Variants in DISP1 observed in about 807,000 individuals in gnomAD.
DISP1 encodes protein dispatched homolog 1.
Under a neutral mutation model 37.3 loss-of-function variants are expected in DISP1, and 30 were observed. That is an observed-to-expected ratio of 0.80 (90% CI 0.60 to 1.09). DISP1 has a LOEUF of 1.09. Ranked by LOEUF, DISP1 falls within the 50% of genes least tolerant of loss-of-function variation. DISP1 has a pLI of 0.00. For synonymous variants in DISP1, 634 were observed against 690.2 expected, an observed-to-expected ratio of 0.92 and a Z score of 1.28; for missense variants, 1,598 against 1,879.5, an observed-to-expected ratio of 0.85 and a Z score of 2.77.
At chr1:222,898,466 G>T (rs1472910322) in intron 1 of DISP1, among the ~76,000 whole-genome samples, 1 of 150,662 alleles carries the variant, frequency 6.6e-6, no homozygotes, top group Non-Finnish European at 1.5e-5. Flanking sequence ...TTTTTGAAGT[G>T]TTCCTTCATT....
intron 1 of DISP1, among the ~76,000 whole-genome samples, chr1:222,870,026 G>T (rs1022363464): frequency 4.8e-4 from 73 of 151,670 alleles, no homozygotes; most frequent in Non-Finnish European, 1.0e-4. Flanking sequence ...ACCTATGAAT[G>T]AGAACATGCG....
chr1:222,953,428 A>G (rs1675372507), intron 3 of DISP1, among the ~76,000 whole-genome samples: 1 of 152,124 alleles, frequency 6.6e-6, no homozygotes, highest in Non-Finnish European at 1.5e-5. Context: ...TTTCATTTTT[A>G]TTTATAAATG....
At chr1:222,945,191 T>C (rs1674684778) in intron 3 of DISP1, among the ~76,000 whole-genome samples, 1 of 152,150 alleles carries the variant, frequency 6.6e-6, no homozygotes, top group Non-Finnish European at 1.5e-5. Flanking sequence ...AGGAGAGTCC[T>C]TCACAGCATG....
intron 3 of DISP1, among the ~76,000 whole-genome samples, chr1:222,960,014 C>T (rs1409291513): frequency 6.6e-6 from 1 of 152,094 alleles, no homozygotes; most frequent in Non-Finnish European, 1.5e-5. Context: ...GACTTAGACT[C>T]CCACACAATA....
At position 222,893,129 on chromosome 1, in the gene DISP1, G is replaced by A. The variant is rs1258969148; in HGVS notation, c.-158-35301G>A. On this transcript the variant is annotated intron_variant, in intron 1 of 8. Coordinates refer to ENST00000675850, the MANE Select transcript of DISP1 (RefSeq NM_001377229.1). This position sits in a 1 kb window ranked among gnomAD's most constrained non-coding sequence, Gnocchi z 4.3. The stretch of plus-strand genomic sequence containing the variant: ...ATCATTTTTATGTTACGAAAATATC[G>A]ATCTTATCACAATACCACAATATAT... Among the ~76,000 whole-genome samples, 2 of 151,924 alleles carry A rather than the reference G, an allele frequency of 1.3e-5. No individual in the cohort carries two copies. Among genetic ancestry groups the A allele is most frequent in the Admixed American group, 6.6e-5 (1 of 15,240 alleles).
intron 1 of DISP1, among the ~76,000 whole-genome samples, chr1:222,901,591 G>A (rs1374000592): frequency 2.6e-5 from 4 of 152,078 alleles, no homozygotes; most frequent in Admixed American, 6.6e-5. Flanking sequence ...GCAGTGGCGC[G>A]ATCTCTGCTC....
chr1:222,931,109 C>G (rs1346560038), intron 2 of DISP1, among the ~76,000 whole-genome samples: 1 of 151,964 alleles, frequency 6.6e-6, no homozygotes, highest in Non-Finnish European at 1.5e-5. Flanking sequence ...TTAGATAATT[C>G]TAAGTGTGGT....
At chr1:222,848,446 T>A (rs1668042566) in intron 1 of DISP1, among the ~76,000 whole-genome samples, 1 of 151,910 alleles carries the variant, frequency 6.6e-6, no homozygotes, top group African/African-American at 2.4e-5. Context: ...AGTGGCTTTT[T>A]AAAAAAAATA....
At chr1:222,977,681 C>T (rs1477423352) in intron 3 of DISP1, among the ~76,000 whole-genome samples, 1 of 151,628 alleles carries the variant, frequency 6.6e-6, no homozygotes, top group East Asian at 1.9e-4. Context: ...GCTATCCCTC[C>T]CCTCTCCCCC....
chr1:222,875,243 G>A (rs1185640431), intron 1 of DISP1, among the ~76,000 whole-genome samples: 1 of 151,898 alleles, frequency 6.6e-6, no homozygotes, highest in African/African-American at 2.4e-5. Context: ...AACCCAGGAG[G>A]CGGAGGTTGC....
At chr1:222,909,676 A>G (rs17163555) in intron 1 of DISP1, among the ~76,000 whole-genome samples, 99,536 of 152,038 alleles carry the variant, frequency 0.65, 32,749 homozygotes, top group South Asian at 0.75. Flanking sequence ...AAACTAAAAC[A>G]ATATACCTAG....
At chr1:222,860,798 T>C (rs1668837929) in intron 1 of DISP1, among the ~76,000 whole-genome samples, 1 of 151,788 alleles carries the variant, frequency 6.6e-6, no homozygotes. Context: ...GGCAGGAGAA[T>C]CGCTTCAGAG....
intron 1 of DISP1, among the ~76,000 whole-genome samples, chr1:222,852,981 T>A (rs1668353798): frequency 6.6e-6 from 1 of 152,202 alleles, no homozygotes. Flanking sequence ...AATGTATTCA[T>A]ATACAAATAG....
intron 1 of DISP1, among the ~76,000 whole-genome samples, chr1:222,902,319 C>T (rs1671640495): frequency 6.6e-6 from 1 of 152,208 alleles, no homozygotes; most frequent in African/African-American, 2.4e-5. Flanking sequence ...CCTCTACACA[C>T]TGCTTTGAAT....
intron 1 of DISP1, among the ~76,000 whole-genome samples, chr1:222,868,488 T>C (rs1231936773): frequency 1.3e-5 from 2 of 152,182 alleles, no homozygotes; most frequent in Non-Finnish European, 2.9e-5. Context: ...TTATTCATTA[T>C]ATCATTGAAG....
At chr1:222,913,415 G>C (rs1408577426) in intron 1 of DISP1, among the ~76,000 whole-genome samples, 1 of 152,062 alleles carries the variant, frequency 6.6e-6, no homozygotes, top group African/African-American at 2.4e-5. Flanking sequence ...CCAAGTTAGA[G>C]TTTATTTGCA....
intron 1 of DISP1, among the ~76,000 whole-genome samples, chr1:222,851,210 GCATACGGCAC>G (rs1394228670): frequency 6.6e-6 from 1 of 151,862 alleles, no homozygotes; most frequent in Non-Finnish European, 1.5e-5. Flanking sequence ...GGGATCACAG[GCATACGGCAC>G]CACACCCAGC....
chr1:222,844,055 G>A (rs1558288455), intron 1 of DISP1, among the ~76,000 whole-genome samples: 1 of 144,892 alleles, frequency 6.9e-6, no homozygotes, highest in Non-Finnish European at 1.6e-5. Flanking sequence ...GTATTCTCCA[G>A]TCTTTGTATT....
At chr1:222,879,298 G>T (rs1227497203) in intron 1 of DISP1, among the ~76,000 whole-genome samples, 1 of 152,048 alleles carries the variant, frequency 6.6e-6, no homozygotes, top group African/African-American at 2.4e-5. Context: ...ATATATTGAG[G>T]TTCTTTAAAG....
Sources: gnomAD v4.1 joint callset for allele counts (sites outside exome capture counted in the v4.1 genomes callset) on GRCh38, gnomAD v4.1.1 for gene constraint, Gnocchi (gnomAD v3.1) non-coding constraint, MANE v1.5 for transcripts, NCBI Gene and HGNC (gene_info 2026-07-23, HGNC 2026-07-21) for gene names.